SCARA3: variants seen among roughly 807,000 people sequenced by gnomAD.
SCARA3 encodes scavenger receptor class A member 3, also known as cellular stress response gene protein.
Under a neutral mutation model 47.0 loss-of-function variants are expected in SCARA3, and 39 were observed. The ratio of observed to expected loss-of-function variants is 0.83; its 90% CI spans 0.64 to 1.08. The LOEUF (loss-of-function observed/expected upper bound fraction) is 1.08. Ranked by LOEUF, SCARA3 falls within the 50% of genes least tolerant of loss-of-function variation. The probability of loss-of-function intolerance (pLI) is 0.00; values close to 1 mark genes in which losing one functional copy is unlikely to be tolerated. For missense variants in SCARA3, 724 were observed against 792.3 expected (o/e 0.91, Z 1.04); for synonymous variants, 356 against 334.1 (o/e 1.07, Z -0.71).
the SCARA3 span, among the ~76,000 whole-genome samples, chr8:27,721,795 G>A: frequency 6.6e-6 from 1 of 152,204 alleles, no homozygotes; most frequent in Non-Finnish European, 1.5e-5. Flanking sequence ...AATAAGGCCA[G>A]GTGCAGTGGC....
Position 27,671,683 on chromosome 8 carries a change from TGCACACATACACAG to T in SCARA3, c.*341_*354del. ...GCACACACACATGCACACATACACG[TGCACACATACACAG>T]GCACACATGCATGCACACATACACA... On this transcript the variant is annotated 3_prime_UTR_variant, in exon 6 of 6. Coordinates refer to ENST00000301904, the MANE Select transcript of SCARA3 (RefSeq NM_016240.3). 1 of 1,072,618 alleles carries T rather than the reference TGCACACATACACAG, an allele frequency of 9.3e-7. No individual in the cohort carries two copies. Among genetic ancestry groups the T allele is most frequent in the Non-Finnish European group, 1.1e-6 (1 of 881,946 alleles). The allele number at this position is 1,072,618 out of a possible 1,614,324, so 66.4% of individuals were successfully genotyped here. A position where few individuals can be genotyped will look rare whatever the true frequency, so the allele number is the denominator to read the frequency against.
chr8:27,725,992 G>T, the SCARA3 span, among the ~76,000 whole-genome samples: 2 of 152,336 alleles, frequency 1.3e-5, no homozygotes, highest in East Asian at 3.9e-4. Context: ...TGTGAGTCAT[G>T]AGCTCCCGTC....
chr8:27,718,967 A>G, the SCARA3 span, among the ~76,000 whole-genome samples: 1 of 152,210 alleles, frequency 6.6e-6, no homozygotes, highest in Non-Finnish European at 1.5e-5. Flanking sequence ...ACGTAAATAG[A>G]GGATATGTCT....
At chr8:27,668,172 G>C (rs569801885) in intron 5 of SCARA3, among the ~76,000 whole-genome samples, 1 of 152,332 alleles carries the variant, frequency 6.6e-6, no homozygotes, top group East Asian at 1.9e-4. Context: ...AGCTTTCCGG[G>C]AAAGAGGAGC....
the SCARA3 span, among the ~76,000 whole-genome samples, chr8:27,700,373 G>A: frequency 5.3e-5 from 8 of 152,150 alleles, no homozygotes; most frequent in Non-Finnish European, 1.0e-4. Flanking sequence ...TTGGGAGGCC[G>A]AGATGGGCAA....
At chr8:27,693,162 T>A in the SCARA3 span, among the ~76,000 whole-genome samples, 1 of 151,878 alleles carries the variant, frequency 6.6e-6, no homozygotes, top group Admixed American at 6.6e-5. Flanking sequence ...AGAAAATCTT[T>A]ATCCACCTAT....
rs1378526071 is a variant in SCARA3, at chr8:27,671,802, CACAA to C, written c.*455_*458del. 5.1e-6 allele frequency: 5 copies of C among 989,294 alleles called. No homozygotes were observed. The highest frequency in any genetic ancestry group is 4.8e-6 in the Non-Finnish European group (4 of 832,700). The allele number at this position is 989,294 out of a possible 1,614,324, so 61.3% of individuals were successfully genotyped here. On this transcript the variant is annotated 3_prime_UTR_variant, in exon 6 of 6. Coordinates refer to ENST00000301904, the MANE Select transcript of SCARA3 (RefSeq NM_016240.3). The stretch of plus-strand genomic sequence containing the variant: ...CATGCACTGCACACATATCCATGCA[CACAA>C]ACACATATATACACATGCACATACA...
chr8:27,721,533 A>T, the SCARA3 span, among the ~76,000 whole-genome samples: 1 of 152,234 alleles, frequency 6.6e-6, no homozygotes, highest in Non-Finnish European at 1.5e-5. Context: ...GTCCATGAAC[A>T]AGGGTTTTTA....
At chr8:27,689,500 T>C in the SCARA3 span, among the ~76,000 whole-genome samples, 1 of 152,114 alleles carries the variant, frequency 6.6e-6, no homozygotes, top group Non-Finnish European at 1.5e-5. Flanking sequence ...TCATATCTCA[T>C]AACCTCCCCA....
intron 1 of SCARA3, among the ~76,000 whole-genome samples, chr8:27,640,136 G>A (rs1255375012): frequency 1.3e-5 from 2 of 152,272 alleles, no homozygotes; most frequent in East Asian, 3.9e-4. Flanking sequence ...GGCAAGGGAA[G>A]GAGAAAAGAT....
intron 4 of SCARA3, among the ~76,000 whole-genome samples, 154 bp downstream of exon 4, chr8:27,657,034 C>A (rs1403368037): frequency 6.6e-6 from 1 of 152,186 alleles, no homozygotes. Context: ...CCAGCCGGAT[C>A]TCCATCCATT....
In SCARA3 at chr8:27,658,531, G is replaced by C. The variant is rs370167532; in HGVS notation, c.361G>C (p.Glu121Gln). Residue 121 changes from glutamate to glutamine, a missense_variant, in exon 5 of 6, where the codon GAA becomes CAA. Coordinates refer to ENST00000301904, the MANE Select transcript of SCARA3 (RefSeq NM_016240.3). Reference protein sequence around the residue: ...KALNNCSFCHEAGQLGPEIRK... With the variant: ...KALNNCSFCHQAGQLGPEIRK... ...CCTGAACAACTGCTCTTTCTGCCAT[G>C]AAGCTGGGCAGCTGGGGCCAGAGAT... 209 of 1,612,344 alleles carry C rather than the reference G, an allele frequency of 1.3e-4. No individual in the cohort carries two copies. The highest frequency in any genetic ancestry group is 1.6e-4 in the Non-Finnish European group (188 of 1,179,394).
At chr8:27,704,502 C>T in the SCARA3 span, among the ~76,000 whole-genome samples, 2 of 152,266 alleles carry the variant, frequency 1.3e-5, no homozygotes, top group Admixed American at 1.3e-4. Context: ...TAGTGAATAT[C>T]TTCACGGATT....
chr8:27,720,956 TTATCCATCCATCCATC>T, the SCARA3 span, among the ~76,000 whole-genome samples: 3 of 149,278 alleles, frequency 2.0e-5, no homozygotes. Context: ...ATCCACCTAT[TTATCCATCCATCCATC>T]TATCCATTCA....
intron 3 of SCARA3, among the ~76,000 whole-genome samples, chr8:27,653,427 C>T (rs910846400): frequency 1.3e-5 from 2 of 152,190 alleles, no homozygotes; most frequent in African/African-American, 2.4e-5. Context: ...GTTTGTGAAC[C>T]ACGGGAGACC....
In SCARA3 at chr8:27,649,737, G is replaced by T. The variant is rs769510474; in HGVS notation, c.43G>T (p.Val15Phe). The T allele has an allele frequency of 3.7e-6, 6 of 1,614,174 alleles. No homozygotes were observed. The highest frequency in any genetic ancestry group is 1.3e-5 in the African/African-American group (1 of 75,058). ...CGGCGGCGATGGAGATGCCTTGTGC[G>T]TTACAGAAGAGGACCTGGCGGGTGA... The part of the protein sequence containing the change: ...SAGGDGDALC[V>F]TEEDLAGDDE... The change falls in exon 2 of 6, where the codon GTT (valine) becomes TTT (phenylalanine). Residue 15 changes from valine to phenylalanine, a missense_variant. Physicochemically the swap from Val to Phe is conservative, Grantham distance 50. Transcript: ENST00000301904.
chr8:27,710,365 T>C, the SCARA3 span, among the ~76,000 whole-genome samples: 5 of 152,272 alleles, frequency 3.3e-5, no homozygotes, highest in Admixed American at 6.5e-5. Flanking sequence ...AACAACAATA[T>C]TGCCATACAT....
intron 4 of SCARA3, 117 bp downstream of exon 4, chr8:27,656,997 G>A (rs2128920174): frequency 1.4e-6 from 1 of 695,650 alleles, no homozygotes; most frequent in Non-Finnish European, 2.6e-6. Context: ...TAGGCACAGA[G>A]GCTATCCCCA....
chr8:27,674,275 T>C (rs763699753), downstream of SCARA3, among the ~76,000 whole-genome samples: 3 of 152,124 alleles, frequency 2.0e-5, no homozygotes, highest in Non-Finnish European at 4.4e-5. Context: ...ATAAATTTTG[T>C]GAATGGATGA....
Sources: gnomAD v4.1 joint callset for allele counts (sites outside exome capture counted in the v4.1 genomes callset) on GRCh38, gnomAD v4.1.1 for gene constraint, MANE v1.5 for transcripts, NCBI Gene and HGNC (gene_info 2026-07-23, HGNC 2026-07-21) for gene names.